MYO3B: variants seen among roughly 807,000 people sequenced by gnomAD.
MYO3B encodes the protein myosin IIIB, also known as myosin-IIIb.
MYO3B carries 156 observed loss-of-function variants against 174.6 expected under a neutral mutation model. The ratio of observed to expected loss-of-function variants is 0.89; its 90% CI spans 0.78 to 1.02. The LOEUF (loss-of-function observed/expected upper bound fraction) is 1.02, where lower values mean the gene tolerates loss of function less well. Ranked by LOEUF, MYO3B falls within the 50% of genes least tolerant of loss-of-function variation. MYO3B has a pLI of 0.00. For missense variants in MYO3B, 1,632 were observed against 1,639.4 expected, an observed-to-expected ratio of 1.00 and a Z score of 0.08; for synonymous variants, 563 against 569.1, an observed-to-expected ratio of 0.99 and a Z score of 0.15.
At chr2:170,498,734 C>G in intron 26 of MYO3B, 31 bp downstream of exon 26, 1 of 1,396,946 alleles carries the variant, frequency 7.2e-7, no homozygotes, top group East Asian at 2.3e-5. Context: ...CAAATTGTCC[C>G]GTATGATTTC....
At chr2:170,557,258 G>A (rs4668275) in intron 32 of MYO3B, among the ~76,000 whole-genome samples, 120,061 of 151,562 alleles carry the variant, frequency 0.79, 48,160 homozygotes, top group African/African-American at 0.87. Context: ...TTCTGCCTCA[G>A]CTTCCGGAGT....
rs191956387 is a variant in MYO3B at position 170,416,914 on chromosome 2, C to T, written c.2650+9070C>T. Among the ~76,000 whole-genome samples the T allele has an allele frequency of 3.2e-3, 488 of 150,374 alleles. 6 individuals are homozygous for T. The highest frequency in any genetic ancestry group is 0.011 in the African/African-American group (468 of 40,976). On this transcript the variant is annotated intron_variant, in intron 22 of 34. Transcript: ENST00000408978. ...GATCTCGGCTCACTGCAACCTCTGC[C>T]TCCCGGGTTCAAGCAATTCTCCTGC...
chr2:170,327,990 C>T (rs550464515), intron 7 of MYO3B, among the ~76,000 whole-genome samples: 41 of 151,924 alleles, frequency 2.7e-4, no homozygotes, highest in African/African-American at 9.4e-4. Context: ...CAGCCCCGAC[C>T]TCCCAGGTTC....
chr2:170,298,268 C>A (rs1319525929), intron 7 of MYO3B, among the ~76,000 whole-genome samples: 1 of 152,032 alleles, frequency 6.6e-6, no homozygotes, highest in Non-Finnish European at 1.5e-5. Context: ...GAGAGCCCTC[C>A]CTAGAGACCA....
In MYO3B at chr2:170,466,653, G is replaced by C; in HGVS notation, c.2956G>C (p.Val986Leu). The change falls in exon 25 of 35, where the codon GTC becomes CTC. Residue 986 changes from valine to leucine, a missense_variant. By Grantham distance (32) the Val-to-Leu change is conservative (BLOSUM62 1). Transcript: ENST00000408978. Reference protein sequence around the residue: ...QLRSTGILETVSIRRQGYSHR... With the variant: ...QLRSTGILETLSIRRQGYSHR... ...CCGCTCCACAGGGATTCTGGAGACA[G>C]TCAGCATCCGCCGCCAGGGCTATTC... is the stretch of plus-strand genomic sequence containing the variant. 6.2e-7 allele frequency: 1 copy of C among 1,614,216 alleles called. No homozygotes were observed. Among genetic ancestry groups the C allele is most frequent in the Non-Finnish European group, 8.5e-7 (1 of 1,180,042 alleles).
chr2:170,330,577 A>G (rs188510730), intron 7 of MYO3B, among the ~76,000 whole-genome samples: 1 of 152,342 alleles, frequency 6.6e-6, no homozygotes, highest in Admixed American at 6.5e-5. Flanking sequence ...GCTTTGTGAT[A>G]GTAAGCACTC....
chr2:170,653,610 TC>T lies in MYO3B; in HGVS notation c.*490del. On this transcript the variant is annotated 3_prime_UTR_variant, in exon 35 of 35. Transcript: ENST00000408978. ...TCTATCACTCCCACCTCCCCCAGAGTCAGGGCTCCATTGCTGAGTGCCCCAT... is the reference window on the plus strand; with the variant it reads ...TCTATCACTCCCACCTCCCCCAGAGTAGGGCTCCATTGCTGAGTGCCCCAT... 6.4e-6 allele frequency: 1 copy of T among 157,340 alleles called. No individual in the cohort carries two copies. The highest frequency in any genetic ancestry group is 1.9e-4 in the South Asian group (1 of 5,198). 9.7% of individuals were successfully genotyped at this position (157,340 alleles called of 1,614,324 possible). A position where few individuals can be genotyped will look rare whatever the true frequency, so the allele number is the denominator to read the frequency against.
chr2:170,400,420 T>TTTTTA, intron 17 of MYO3B, 106 bp downstream of exon 17: 7 of 1,212,870 alleles, frequency 5.8e-6, no homozygotes, highest in South Asian at 1.6e-5. Context: ...TTTTTTTTTT[T>TTTTTA]ATCGAGATGG....
intron 32 of MYO3B, among the ~76,000 whole-genome samples, chr2:170,556,196 G>GAA (rs560028726): frequency 4.9e-5 from 7 of 142,632 alleles, no homozygotes; most frequent in Middle Eastern, 3.5e-3. Context: ...ACTCTGTCTA[G>GAA]AAAAAAAAAA....
chr2:170,477,294 G>T (rs1044474438), intron 25 of MYO3B, among the ~76,000 whole-genome samples: 1 of 152,066 alleles, frequency 6.6e-6, no homozygotes, highest in African/African-American at 2.4e-5. Context: ...CTCTATGAAG[G>T]CTGCCTGGAC....
In MYO3B at chr2:170,219,988, G is replaced by A. The variant is rs1231844996; in HGVS notation, c.603+2593G>A. On this transcript the variant is annotated intron_variant, in intron 6 of 34. Transcript: ENST00000408978. ...TAAGAGGTGTTTGTGGCCGGGTGTG[G>A]TGGCTCATACCTGTAATCCCAGCAC... is the stretch of plus-strand genomic sequence containing the variant. Among the ~76,000 whole-genome samples the A allele has an allele frequency of 3.3e-5, 5 of 152,238 alleles. No individual in the cohort carries two copies. The East Asian group carries it at 7.7e-4, about 23-fold the overall frequency.
intron 8 of MYO3B, among the ~76,000 whole-genome samples, chr2:170,339,431 A>G (rs909613483): frequency 6.6e-6 from 1 of 151,942 alleles, no homozygotes; most frequent in Non-Finnish European, 1.5e-5. Context: ...GTCACTACCC[A>G]CCAAAAGATT....
Position 170,652,127 on chromosome 2 carries a change from G to A in MYO3B, c.3860G>A (p.Gly1287Glu), listed in dbSNP as rs1342698202. 43 of 1,613,974 alleles carry A rather than the reference G, an allele frequency of 2.7e-5. No individual in the cohort carries two copies. Among genetic ancestry groups the A allele is most frequent in the Non-Finnish European group, 3.6e-5 (43 of 1,179,972 alleles). ...CCACAGGGAACTCTAGAATATCAAG[G>A]GAGCAAGAGGAAGCCAAGAAAACTT... ...NQLNGTLEYQ[G>E]SKRKPRKLGQ... Residue 1287 changes from glycine (G) to glutamate (E), a missense_variant, in exon 34 of 35, where the codon GGG (glycine) becomes GAG (glutamate). By Grantham distance (98) the Gly-to-Glu change is moderately conservative. Coordinates refer to ENST00000408978, the MANE Select transcript of MYO3B (RefSeq NM_138995.5).
intron 32 of MYO3B, among the ~76,000 whole-genome samples, chr2:170,630,481 A>T (rs558735831): frequency 9.2e-5 from 14 of 152,282 alleles, no homozygotes; most frequent in Admixed American, 9.2e-4. Context: ...GGGCATAGCT[A>T]AACAAAAGGC....
At chr2:170,347,023 G>A (rs1000788285) in intron 8 of MYO3B, among the ~76,000 whole-genome samples, 2 of 152,074 alleles carry the variant, frequency 1.3e-5, no homozygotes, top group African/African-American at 2.4e-5. Flanking sequence ...CTTTATTCAT[G>A]GCAAAATTCA....
At chr2:170,295,096 ATAAC>A (rs1559366427) in intron 7 of MYO3B, among the ~76,000 whole-genome samples, 1 of 152,026 alleles carries the variant, frequency 6.6e-6, no homozygotes, top group African/African-American at 2.4e-5. Flanking sequence ...TAGTTTTACT[ATAAC>A]TAAATTTTTG....
At chr2:170,204,567 T>C (rs974994773) in intron 3 of MYO3B, among the ~76,000 whole-genome samples, 3 of 152,258 alleles carry the variant, frequency 2.0e-5, no homozygotes, top group Admixed American at 6.5e-5. Flanking sequence ...TGAATCAATA[T>C]TCAATGACGT....
At chr2:170,419,578 C>T (rs1200974145) in intron 22 of MYO3B, among the ~76,000 whole-genome samples, 2 of 152,216 alleles carry the variant, frequency 1.3e-5, no homozygotes, top group Non-Finnish European at 2.9e-5. Flanking sequence ...CAGCTGGTAA[C>T]AGATCACTAA....
intron 32 of MYO3B, among the ~76,000 whole-genome samples, chr2:170,648,734 T>TTATATTCTATATAATATGTAAAATA (rs1559200026): frequency 3.7e-5 from 4 of 107,462 alleles, no homozygotes. Flanking sequence ...AAAATATATA[T>TTATATTCTATATAATATGTAAAATA]TATATTCTAT....
Sources: gnomAD v4.1 joint callset for allele counts (sites outside exome capture counted in the v4.1 genomes callset) on GRCh38, gnomAD v4.1.1 for gene constraint, MANE v1.5 for transcripts, NCBI Gene and HGNC (gene_info 2026-07-23, HGNC 2026-07-21) for gene names.